The following RNF220 variants were observed in gnomAD, a reference collection of about 807,000 sequenced individuals.
The protein encoded by RNF220 is E3 ubiquitin-protein ligase RNF220.
RNF220 carries 7 observed loss-of-function variants against 67.1 expected under a neutral mutation model. That is an observed-to-expected ratio of 0.10 (90% CI 0.06 to 0.20). The LOEUF is 0.20. Ranked by LOEUF, RNF220 falls within the 10% of genes least tolerant of loss-of-function variation. RNF220 has a pLI of 1.00. For missense variants in RNF220, 565 were observed against 740.3 expected, an observed-to-expected ratio of 0.76 and a Z score of 2.75; for synonymous variants, 270 against 283.2, an observed-to-expected ratio of 0.95 and a Z score of 0.47.
At chr1:44,635,001 T>C (rs1030063646) in intron 6 of RNF220, among the ~76,000 whole-genome samples, 30 of 152,062 alleles carry the variant, frequency 2.0e-4, no homozygotes, top group African/African-American at 6.8e-4. Context: ...TGAAATGGGA[T>C]TAGTGGACCT....
intron 2 of RNF220, among the ~76,000 whole-genome samples, chr1:44,552,310 A>T (rs1010714923): frequency 1.2e-4 from 18 of 152,046 alleles, no homozygotes; most frequent in Non-Finnish European, 1.9e-4. Context: ...GTTCAAGACC[A>T]GCCTGGGCAA....
At chr1:44,467,132 C>T (rs796576242) in intron 2 of RNF220, among the ~76,000 whole-genome samples, 51 of 152,340 alleles carry the variant, frequency 3.3e-4, no homozygotes, top group African/African-American at 1.2e-3. Flanking sequence ...CTTGCTACTC[C>T]ACCTTGTAAT....
At chr1:44,571,014 C>T (rs1410858088) in intron 2 of RNF220, among the ~76,000 whole-genome samples, 1 of 151,460 alleles carries the variant, frequency 6.6e-6, no homozygotes, top group East Asian at 1.9e-4. Flanking sequence ...GCAGAGGTTG[C>T]AGTGCACCAA....
At chr1:44,619,505 G>C (rs761685535) in intron 3 of RNF220, among the ~76,000 whole-genome samples, 12 of 152,180 alleles carry the variant, frequency 7.9e-5, no homozygotes, top group Non-Finnish European at 1.2e-4. Context: ...GGTGATGATG[G>C]TTTATTCCCG....
intron 2 of RNF220, among the ~76,000 whole-genome samples, chr1:44,519,394 T>C (rs1206969601): frequency 6.6e-6 from 1 of 152,150 alleles, no homozygotes; most frequent in African/African-American, 2.4e-5. Context: ...CTCATGCCAT[T>C]ATCAAAGCAA....
intron 2 of RNF220, among the ~76,000 whole-genome samples, chr1:44,480,548 A>C (rs1655706179): frequency 6.6e-6 from 1 of 152,210 alleles, no homozygotes; most frequent in Non-Finnish European, 1.5e-5. Context: ...AGAAGAAAGG[A>C]GTCTGAGAAG....
rs1465013275 is a variant in RNF220 at position 44,622,095 on chromosome 1, C to T, written c.759-647C>T. ...GTGGCTCTGGATCACTCATGCTTAG[C>T]GCAGGATGTGGCCTTGCATACCAAT... On this transcript the variant is annotated intron_variant, in intron 3 of 14. Coordinates refer to ENST00000361799, the MANE Select transcript of RNF220 (RefSeq NM_018150.4). This position sits in a 1 kb window ranked among gnomAD's most constrained non-coding sequence, Gnocchi z 4.3. 3.3e-5 allele frequency among the ~76,000 whole-genome samples: 5 copies of T among 152,166 alleles called. No individual in the cohort carries two copies. Among genetic ancestry groups the T allele is most frequent in the Non-Finnish European group, 7.4e-5 (5 of 68,024 alleles).
intron 1 of RNF220, among the ~76,000 whole-genome samples, chr1:44,407,285 G>A (rs1273618717): frequency 6.6e-6 from 1 of 152,058 alleles, no homozygotes; most frequent in Non-Finnish European, 1.5e-5. Context: ...GGAGAGAAAG[G>A]AAAAATAAAG....
rs147667759 is a variant in RNF220, at chr1:44,445,488, G to A, written c.625+32766G>A. On this transcript the variant is annotated intron_variant, in intron 2 of 14. Coordinates refer to ENST00000361799, the MANE Select transcript of RNF220 (RefSeq NM_018150.4). ...CATCTACTCTCTAATTTCTTACTCC[G>A]GCTCTTGCTAGATCCTCTCAACTCC... 3.2e-4 allele frequency among the ~76,000 whole-genome samples: 49 copies of A among 152,100 alleles called. 1 individual carries two copies. In the East Asian group the frequency reaches 8.7e-3, roughly 27 times the overall value.
intron 4 of RNF220, among the ~76,000 whole-genome samples, chr1:44,623,031 C>G (rs112730097): frequency 1.3e-5 from 2 of 152,092 alleles, no homozygotes; most frequent in African/African-American, 4.8e-5. Flanking sequence ...CCTCTTCCAG[C>G]CAGGAGAGGG....
chr1:44,643,595 C>T (rs190609), intron 8 of RNF220: 1 of 152,160 alleles, frequency 6.6e-6, no homozygotes, highest in African/African-American at 2.4e-5. Flanking sequence ...AAGACATACC[C>T]TAATGAGAGT....
At chr1:44,626,441 G>A (rs542770470) in intron 5 of RNF220, 43 bp downstream of exon 5, 17 of 1,500,000 alleles carry the variant, frequency 1.1e-5, no homozygotes, top group South Asian at 1.0e-4. Flanking sequence ...AAGCTCACCT[G>A]GGGGAGGGCT....
intron 2 of RNF220, among the ~76,000 whole-genome samples, chr1:44,598,170 G>A (rs1180734020): frequency 7.2e-6 from 1 of 138,848 alleles, no homozygotes; most frequent in Non-Finnish European, 1.6e-5. Flanking sequence ...GTGATGGGGA[G>A]GGGGAAACAG....
In RNF220 at chr1:44,478,108, AGCTGGG is replaced by A. The variant is rs1655451701; in HGVS notation, c.625+65387_625+65392del. 7.9e-5 allele frequency among the ~76,000 whole-genome samples: 12 copies of A among 152,094 alleles called. No individual in the cohort carries two copies. In the South Asian group the frequency reaches 1.7e-3, roughly 21 times the overall value. ...ATTCTCCTGTCTCAGCCTCCCAAGT[AGCTGGG>A]ATTACAAGGTATGCACCACCACACC... On this transcript the variant is annotated intron_variant, in intron 2 of 14. Coordinates refer to ENST00000361799, the MANE Select transcript of RNF220 (RefSeq NM_018150.4).
chr1:44,475,296 C>T lies in RNF220; in HGVS notation c.625+62574C>T, dbSNP rs58691502. On this transcript the variant is annotated intron_variant, in intron 2 of 14. Coordinates refer to ENST00000361799, the MANE Select transcript of RNF220 (RefSeq NM_018150.4). The stretch of plus-strand genomic sequence containing the variant: ...GTTAAAATAAAATGTTCAGGCTGGG[C>T]GCGGTGGCTCATGCCTGTAATCCCA... Among the ~76,000 whole-genome samples the T allele has an allele frequency of 5.1e-3, 780 of 152,174 alleles. 13 individuals carry two copies. The highest frequency in any genetic ancestry group is 0.018 in the African/African-American group (731 of 41,546).
intron 2 of RNF220, among the ~76,000 whole-genome samples, chr1:44,515,104 G>A (rs1023526855): frequency 2.0e-5 from 3 of 152,208 alleles, no homozygotes; most frequent in African/African-American, 7.2e-5. Flanking sequence ...GAATGGAAAT[G>A]TATAGCTATC....
At chr1:44,438,378 C>G in intron 2 of RNF220, among the ~76,000 whole-genome samples, 1 of 152,184 alleles carries the variant, frequency 6.6e-6, no homozygotes, top group East Asian at 1.9e-4. Context: ...CTTCCTTGAC[C>G]TCCCAAAGTG....
chr1:44,590,594 T>C (rs1185133794), intron 2 of RNF220, among the ~76,000 whole-genome samples: 1 of 152,236 alleles, frequency 6.6e-6, no homozygotes, highest in Non-Finnish European at 1.5e-5. Context: ...CCCAGAATGT[T>C]TGCCCCTGGC....
intron 2 of RNF220, among the ~76,000 whole-genome samples, chr1:44,584,990 C>T (rs922619949): frequency 1.1e-4 from 16 of 152,234 alleles, no homozygotes; most frequent in African/African-American, 3.6e-4. Flanking sequence ...TGAGCCACCA[C>T]GCCCAGCCCA....
Sources: gnomAD v4.1 joint callset for allele counts (sites outside exome capture counted in the v4.1 genomes callset) on GRCh38, gnomAD v4.1.1 for gene constraint, Gnocchi (gnomAD v3.1) non-coding constraint, MANE v1.5 for transcripts, NCBI Gene and HGNC (gene_info 2026-07-23, HGNC 2026-07-21) for gene names.